Variants in PRKCA observed in about 807,000 individuals in gnomAD.
The protein encoded by PRKCA is protein kinase C alpha type.
Under a neutral mutation model 87.0 loss-of-function variants are expected in PRKCA, and 27 were observed. The ratio of observed to expected loss-of-function variants is 0.31; its 90% CI spans 0.23 to 0.43. The LOEUF is 0.43. Among genes scored for constraint, PRKCA ranks in the 20% least tolerant of loss-of-function variants. The probability of loss-of-function intolerance (pLI) is 1.00; values close to 1 mark genes in which losing one functional copy is unlikely to be tolerated. For missense variants in PRKCA, 518 were observed against 852.3 expected, an observed-to-expected ratio of 0.61 and a Z score of 4.88; for synonymous variants, 329 against 311.1, an observed-to-expected ratio of 1.06 and a Z score of -0.61.
intron 3 of PRKCA, among the ~76,000 whole-genome samples, chr17:66,620,763 T>G (rs1970656383): frequency 1.3e-5 from 2 of 152,200 alleles, no homozygotes; most frequent in Non-Finnish European, 2.9e-5. Flanking sequence ...AAAGTGTACA[T>G]TGACTGTATC....
intron 5 of PRKCA, among the ~76,000 whole-genome samples, chr17:66,664,172 T>A (rs1270211880): frequency 2.0e-5 from 3 of 152,044 alleles, no homozygotes; most frequent in Non-Finnish European, 4.4e-5. Context: ...CCAACCGTCT[T>A]TGGAGTGTTT....
chr17:66,318,111 A>G (rs1181041300), intron 2 of PRKCA, among the ~76,000 whole-genome samples: 1 of 152,222 alleles, frequency 6.6e-6, no homozygotes, highest in East Asian at 1.9e-4. Context: ...TTTTCTTTTT[A>G]GTGAACTTAA....
intron 2 of PRKCA, among the ~76,000 whole-genome samples, chr17:66,385,814 G>A (rs1279271215): frequency 1.3e-5 from 2 of 152,152 alleles, no homozygotes; most frequent in East Asian, 1.9e-4. Flanking sequence ...CCTAGGCTGC[G>A]TGGCGTGATC....
chr17:66,791,536 A>G (rs1336888004), intron 16 of PRKCA, among the ~76,000 whole-genome samples: 1 of 152,160 alleles, frequency 6.6e-6, no homozygotes, highest in Admixed American at 6.5e-5. Context: ...TAAATGGGGC[A>G]AGCTCTGGTT....
intron 2 of PRKCA, among the ~76,000 whole-genome samples, chr17:66,410,335 T>C (rs1460681744): frequency 3.3e-5 from 5 of 152,112 alleles, no homozygotes; most frequent in African/African-American, 1.2e-4. Context: ...TTCCCATGAA[T>C]GAACTCACAA....
chr17:66,395,644 C>T (rs189763355), intron 2 of PRKCA, among the ~76,000 whole-genome samples: 162 of 152,304 alleles, frequency 1.1e-3, no homozygotes, highest in African/African-American at 3.8e-3. Context: ...TACCACTGAT[C>T]TATGTTGTGT....
chr17:66,423,109 CT>C (rs1912583115), intron 2 of PRKCA, among the ~76,000 whole-genome samples: 1 of 147,948 alleles, frequency 6.8e-6, no homozygotes, highest in African/African-American at 2.5e-5. Context: ...GAGACCTTGT[CT>C]CAAAAAAAAA....
At chr17:66,791,565 T>C (rs1975536719) in intron 16 of PRKCA, among the ~76,000 whole-genome samples, 1 of 152,224 alleles carries the variant, frequency 6.6e-6, no homozygotes, top group African/African-American at 2.4e-5. Flanking sequence ...GGCAGCGATG[T>C]GCCTCTTGAG....
intron 2 of PRKCA, among the ~76,000 whole-genome samples, chr17:66,430,067 G>A (rs1200115433): frequency 2.0e-5 from 3 of 152,070 alleles, no homozygotes; most frequent in Admixed American, 6.5e-5. Context: ...TCTGTTGGGT[G>A]GTTCTGGATG....
At chr17:66,588,833 G>A (rs936483668) in intron 3 of PRKCA, among the ~76,000 whole-genome samples, 3 of 151,476 alleles carry the variant, frequency 2.0e-5, no homozygotes, top group Non-Finnish European at 4.4e-5. Flanking sequence ...TAGAGACAGG[G>A]TATCACCATG....
At chr17:66,730,329 A>C (rs576600509) in intron 8 of PRKCA, among the ~76,000 whole-genome samples, 39 of 152,316 alleles carry the variant, frequency 2.6e-4, no homozygotes, top group African/African-American at 9.1e-4. Flanking sequence ...GGAATTCAAG[A>C]GCAAACCTAC....
Position 66,566,049 on chromosome 17 carries a change from TA to T in PRKCA, c.288+69767del, listed in dbSNP as rs572476237. ...CTGAAGATGTTGGGGATTTAAATTT[TA>T]GATAGATCATTGTAGCTGCAAGGGG... On this transcript the variant is annotated intron_variant, in intron 3 of 16. Coordinates refer to ENST00000413366, the MANE Select transcript of PRKCA (RefSeq NM_002737.3). Among the ~76,000 whole-genome samples the T allele has an allele frequency of 5.5e-3, 840 of 152,264 alleles. 9 individuals carry two copies. Among genetic ancestry groups the T allele is most frequent in the Non-Finnish European group, 5.0e-3 (343 of 68,020 alleles).
At chr17:66,407,506 G>C (rs1158810688) in intron 2 of PRKCA, among the ~76,000 whole-genome samples, 2 of 152,172 alleles carry the variant, frequency 1.3e-5, no homozygotes, top group African/African-American at 2.4e-5. Flanking sequence ...CCGTGAGCCA[G>C]TTAAACCTCT....
intron 8 of PRKCA, among the ~76,000 whole-genome samples, chr17:66,717,624 G>A (rs1472192607): frequency 6.6e-6 from 1 of 152,190 alleles, no homozygotes; most frequent in Non-Finnish European, 1.5e-5. Flanking sequence ...CTTAGCACAG[G>A]GAAACGTACG....
At chr17:66,594,451 A>G (rs1037623219) in intron 3 of PRKCA, among the ~76,000 whole-genome samples, 4 of 152,160 alleles carry the variant, frequency 2.6e-5, no homozygotes, top group Admixed American at 2.6e-4. Flanking sequence ...ATTGGTGATC[A>G]GTTTCCAGCG....
At chr17:66,505,973 A>T (rs914087668) in intron 3 of PRKCA, among the ~76,000 whole-genome samples, 3 of 152,104 alleles carry the variant, frequency 2.0e-5, no homozygotes, top group Non-Finnish European at 4.4e-5. Context: ...GAGCAGCTTC[A>T]CCTGGGGCAT....
intron 8 of PRKCA, among the ~76,000 whole-genome samples, chr17:66,728,706 T>G (rs1973814150): frequency 6.6e-6 from 1 of 152,160 alleles, no homozygotes; most frequent in African/African-American, 2.4e-5. Flanking sequence ...TGGCAAAGTG[T>G]GTAAAAAGGC....
At chr17:66,475,386 G>C (rs1198623638) in intron 2 of PRKCA, among the ~76,000 whole-genome samples, 2 of 152,108 alleles carry the variant, frequency 1.3e-5, no homozygotes, top group Non-Finnish European at 2.9e-5. Context: ...CTTTTCATCT[G>C]TGGTGCTGTC....
In PRKCA at chr17:66,645,806, G is replaced by A. The variant is rs751411641; in HGVS notation, c.529+295G>A. 5.3e-5 allele frequency among the ~76,000 whole-genome samples: 8 copies of A among 151,994 alleles called. No individual in the cohort carries two copies. The South Asian group carries it at 6.2e-4, about 12-fold the overall frequency. ...AGCATGGCCCGTGTACTCTCCTCCCGGTGACAGGGGGTCAGGGGAGCCAAT... is the reference window on the plus strand; with the variant it reads ...AGCATGGCCCGTGTACTCTCCTCCCAGTGACAGGGGGTCAGGGGAGCCAAT... On this transcript the variant is annotated intron_variant, in intron 5 of 16. Transcript: ENST00000413366.
Sources: gnomAD v4.1 joint callset for allele counts (sites outside exome capture counted in the v4.1 genomes callset) on GRCh38, gnomAD v4.1.1 for gene constraint, MANE v1.5 for transcripts, NCBI Gene and HGNC (gene_info 2026-07-23, HGNC 2026-07-21) for gene names.